The following MACROD2 variants were observed in gnomAD, a reference collection of about 807,000 sequenced individuals.
The protein encoded by MACROD2 is ADP-ribose glycohydrolase MACROD2.
A neutral mutation model predicts 70.4 loss-of-function variants in MACROD2; 36 were observed. The ratio of observed to expected loss-of-function variants is 0.51; its 90% confidence interval spans 0.39 to 0.68. The LOEUF (loss-of-function observed/expected upper bound fraction) is 0.68, where lower values mean the gene tolerates loss of function less well. MACROD2 is among the 30% of genes least tolerant of loss of function. The pLI, the probability that MACROD2 is intolerant of heterozygous loss-of-function variation, is 0.00. For synonymous variants in MACROD2, 172 were observed against 178.8 expected, an observed-to-expected ratio of 0.96 and a Z score of 0.30; for missense variants, 496 against 538.4, an observed-to-expected ratio of 0.92 and a Z score of 0.78.
intron 8 of MACROD2, among the ~76,000 whole-genome samples, chr20:15,531,165 A>G (rs2146547014): frequency 6.6e-6 from 1 of 151,900 alleles, no homozygotes; most frequent in East Asian, 1.9e-4. Context: ...GAAAATTACC[A>G]GAATAAATAG....
At chr20:14,832,555 G>A (rs1409886556) in intron 5 of MACROD2, among the ~76,000 whole-genome samples, 1 of 152,096 alleles carries the variant, frequency 6.6e-6, no homozygotes, top group African/African-American at 2.4e-5. Context: ...GCTTTCTGGA[G>A]TTAGACTTCT....
At chr20:15,772,957 T>G (rs771074812) in intron 8 of MACROD2, among the ~76,000 whole-genome samples, 48 of 152,276 alleles carry the variant, frequency 3.2e-4, no homozygotes, top group Non-Finnish European at 2.5e-4. Context: ...CACCTCCCTC[T>G]TAACACGTGG....
intron 8 of MACROD2, among the ~76,000 whole-genome samples, chr20:15,508,412 T>A (rs2047455733): frequency 6.6e-6 from 1 of 152,138 alleles, no homozygotes; most frequent in East Asian, 1.9e-4. Context: ...ATAGAATAGG[T>A]ACATGAAGGA....
At chr20:14,917,408 G>A (rs2122621663) in intron 5 of MACROD2, among the ~76,000 whole-genome samples, 1 of 152,090 alleles carries the variant, frequency 6.6e-6, no homozygotes, top group African/African-American at 2.4e-5. Flanking sequence ...GAAGTTCTAT[G>A]GTTCCTCCTT....
At chr20:14,781,475 C>T (rs1192205694) in intron 5 of MACROD2, among the ~76,000 whole-genome samples, 2 of 145,434 alleles carry the variant, frequency 1.4e-5, no homozygotes, top group Admixed American at 7.0e-5. Flanking sequence ...GACTTCTCTT[C>T]CATCTAGTGT....
intron 7 of MACROD2, among the ~76,000 whole-genome samples, chr20:15,489,512 A>G (rs760291831): frequency 1.3e-5 from 2 of 152,184 alleles, no homozygotes; most frequent in Non-Finnish European, 2.9e-5. Flanking sequence ...TACCTTCTCA[A>G]GAGATTCCTT....
At position 15,704,409 on chromosome 20, in the gene MACROD2, C is replaced by A. The variant is rs181438656; in HGVS notation, c.646-158336C>A. ...AAATCCTCCACTACTACTACAAAAA[C>A]CTGCATAAGGCATTGAAAAAAAACC... On this transcript the variant is annotated intron_variant, in intron 8 of 17. Transcript: ENST00000684519. Among the ~76,000 whole-genome samples, 140 of 152,186 alleles carry A rather than the reference C, an allele frequency of 9.2e-4. 3 individuals carry two copies. The East Asian group carries it at 0.017, about 19-fold the overall frequency.
At chr20:14,551,212 T>A (rs1360777052) in intron 4 of MACROD2, among the ~76,000 whole-genome samples, 1 of 152,170 alleles carries the variant, frequency 6.6e-6, no homozygotes, top group Non-Finnish European at 1.5e-5. Context: ...TCCTAGGAAT[T>A]GGATCCAAAA....
chr20:14,280,717 T>C (rs2082299812), intron 3 of MACROD2, among the ~76,000 whole-genome samples: 1 of 152,194 alleles, frequency 6.6e-6, no homozygotes. Context: ...TTCACCTTTT[T>C]AAGCATCTTT....
chr20:15,898,122 C>T lies in MACROD2; in HGVS notation c.775+12311C>T, dbSNP rs565881237. Reference sequence around the variant, plus strand: ...AGACCTTTTTTTCCCTTTTTTCTCACGACCAATGCTAAAACTGACATAGGC... The same window carrying T: ...AGACCTTTTTTTCCCTTTTTTCTCATGACCAATGCTAAAACTGACATAGGC... On this transcript the variant is annotated intron_variant, in intron 10 of 17. Transcript: ENST00000684519. Among the ~76,000 whole-genome samples, 5 of 152,132 alleles carry T rather than the reference C, an allele frequency of 3.3e-5. No individual in the cohort carries two copies. In the South Asian group the frequency reaches 6.2e-4, roughly 19 times the overall value.
intron 3 of MACROD2, among the ~76,000 whole-genome samples, chr20:14,157,309 A>G (rs1569183440): frequency 6.6e-6 from 1 of 152,096 alleles, no homozygotes; most frequent in Non-Finnish European, 1.5e-5. Flanking sequence ...CACATGCAAA[A>G]TTTCATTACA....
intron 8 of MACROD2, among the ~76,000 whole-genome samples, chr20:15,792,600 A>T (rs1443078383): frequency 6.6e-6 from 1 of 152,196 alleles, no homozygotes; most frequent in African/African-American, 2.4e-5. Flanking sequence ...GCGAATAAAC[A>T]ATAATGAGAT....
intron 10 of MACROD2, among the ~76,000 whole-genome samples, chr20:15,917,839 T>C (rs761946291): frequency 1.4e-5 from 2 of 146,114 alleles, no homozygotes; most frequent in Non-Finnish European, 3.0e-5. Context: ...GAATTCATAC[T>C]AAAAGAGGGA....
intron 8 of MACROD2, among the ~76,000 whole-genome samples, chr20:15,570,328 A>AT (rs1379020927): frequency 3.3e-5 from 5 of 152,144 alleles, no homozygotes; most frequent in African/African-American, 1.2e-4. Context: ...TAGCTCTTAG[A>AT]ATGTTGGCAC....
chr20:15,563,970 G>C (rs2048278457), intron 8 of MACROD2, among the ~76,000 whole-genome samples: 1 of 152,106 alleles, frequency 6.6e-6, no homozygotes, highest in African/African-American at 2.4e-5. Context: ...AATGAGATTT[G>C]AGTGAACTGA....
intron 5 of MACROD2, among the ~76,000 whole-genome samples, chr20:14,688,552 C>T (rs2071028450): frequency 6.6e-6 from 1 of 151,162 alleles, no homozygotes; most frequent in South Asian, 2.1e-4. Flanking sequence ...GAATATTGGT[C>T]AATATTTCAT....
chr20:15,849,149 T>C (rs1443277125), intron 8 of MACROD2, among the ~76,000 whole-genome samples: 1 of 152,092 alleles, frequency 6.6e-6, no homozygotes, highest in Non-Finnish European at 1.5e-5. Context: ...ACACACACAC[T>C]CACACACACA....
At chr20:14,181,000 T>C (rs1236411363) in intron 3 of MACROD2, among the ~76,000 whole-genome samples, 1 of 152,114 alleles carries the variant, frequency 6.6e-6, no homozygotes, top group Non-Finnish European at 1.5e-5. Flanking sequence ...AGATTGCTTA[T>C]CTTTCTATTT....
intron 4 of MACROD2, among the ~76,000 whole-genome samples, chr20:14,538,795 G>C (rs2085398037): frequency 1.3e-5 from 2 of 152,098 alleles, no homozygotes; most frequent in Non-Finnish European, 2.9e-5. Context: ...TCTTACTCTA[G>C]GCATCTTATT....
Sources: gnomAD v4.1 joint callset for allele counts (sites outside exome capture counted in the v4.1 genomes callset) on GRCh38, gnomAD v4.1.1 for gene constraint, MANE v1.5 for transcripts, NCBI Gene and HGNC (gene_info 2026-07-23, HGNC 2026-07-21) for gene names.